OTC: variants seen among roughly 807,000 people sequenced by gnomAD.
OTC encodes the protein ornithine transcarbamylase.
Under a neutral mutation model 30.3 loss-of-function variants are expected in OTC, and 3 were observed. The ratio of observed to expected loss-of-function variants is 0.10; its 90% confidence interval spans 0.05 to 0.26. The LOEUF (loss-of-function observed/expected upper bound fraction) is 0.26. Ranked by LOEUF, OTC falls within the 10% of genes least tolerant of loss-of-function variation. The probability of loss-of-function intolerance (pLI) is 1.00; values close to 1 mark genes in which losing one functional copy is unlikely to be tolerated. For missense variants in OTC, 194 were observed against 260.3 expected (o/e 0.75, Z 1.75); for synonymous variants, 111 against 99.7 (o/e 1.11, Z -0.67).
chrX:38,373,553 G>C (rs1364565277), intron 3 of OTC: 2 of 112,744 alleles, frequency 1.8e-5, no homozygotes, highest in African/African-American at 6.4e-5. Context: ...CATTCTAAGA[G>C]ATGGTTCTTT....
intron 1 of OTC, among the ~76,000 whole-genome samples, chrX:38,365,213 C>T (rs1304262163): frequency 1.8e-5 from 2 of 112,891 alleles, no homozygotes; most frequent in Non-Finnish European, 3.7e-5. Context: ...GTTTAGTACA[C>T]GTGGTGAACC....
chrX:38,340,941 C>T, the OTC span, among the ~76,000 whole-genome samples: 7 of 110,348 alleles, frequency 6.3e-5, no homozygotes, highest in South Asian at 3.9e-4. Flanking sequence ...GGATTACAGG[C>T]GCCTGCTACC....
chrX:38,418,806 G>T (rs2142432), intron 9 of OTC, among the ~76,000 whole-genome samples: 55,953 of 110,610 alleles, frequency 0.51, 11,617 homozygotes, highest in African/African-American at 0.79. Flanking sequence ...CTTTTGCCTT[G>T]TGCAATGATT....
the OTC span, among the ~76,000 whole-genome samples, chrX:38,333,243 C>A: frequency 1.9e-5 from 2 of 106,607 alleles, no homozygotes; most frequent in African/African-American, 6.9e-5. Context: ...AAGATATAAA[C>A]GGAAATGTTT....
At chrX:38,369,219 A>G (rs1431966158) in intron 2 of OTC, among the ~76,000 whole-genome samples, 1 of 112,123 alleles carries the variant, frequency 8.9e-6, no homozygotes, top group Admixed American at 9.5e-5. Context: ...TGAAATACTA[A>G]TATATTTTGG....
At chrX:38,354,921 C>T (rs1351846301) in intron 1 of OTC, among the ~76,000 whole-genome samples, 2 of 111,610 alleles carry the variant, frequency 1.8e-5, no homozygotes, top group African/African-American at 6.5e-5. Context: ...AGAAAAACTC[C>T]CTGTCAACTC....
rs12007741 is a variant in OTC at position 38,369,119 on chromosome X, T to A, written c.217-677T>A. Among the ~76,000 whole-genome samples, 649 of 111,005 alleles carry A rather than the reference T, an allele frequency of 5.8e-3. 3 individuals are homozygous for A. The highest frequency in any genetic ancestry group is 0.02 in the African/African-American group (615 of 30,496). On this transcript the variant is annotated intron_variant, in intron 2 of 9. Transcript: ENST00000039007. ...TGTAACAGAGTAGCATTTTCCCAGCTGAGAAAACACCTCCAAACCAAACAC... is the reference window on the plus strand; with the variant it reads ...TGTAACAGAGTAGCATTTTCCCAGCAGAGAAAACACCTCCAAACCAAACAC...
At chrX:38,373,717 T>G (rs1389813810) in intron 3 of OTC, 3 of 112,587 alleles carry the variant, frequency 2.7e-5, no homozygotes, top group Non-Finnish European at 5.6e-5. Context: ...GGTTAATAAC[T>G]GCCTTAGTTC....
chrX:38,359,696 C>T (rs913006885), intron 1 of OTC, among the ~76,000 whole-genome samples: 4 of 111,376 alleles, frequency 3.6e-5, no homozygotes, highest in African/African-American at 1.3e-4. Context: ...GCTGGGATTA[C>T]AGGCATGAGC....
In OTC at chrX:38,421,295, T is replaced by C. The variant is rs2068594472; in HGVS notation, c.*213T>C. ...TACGTGCTTAACTTTGCTTAAACTC[T>C]CTAATTCCCAATTTCTGAGTTACAT... On this transcript the variant is annotated 3_prime_UTR_variant, in exon 10 of 10. Transcript: ENST00000039007. 1 of 400,055 alleles carries C rather than the reference T, an allele frequency of 2.5e-6. No individual in the cohort carries two copies. Among genetic ancestry groups the C allele is most frequent in the Non-Finnish European group, 4.4e-6 (1 of 227,509 alleles). 33.0% of individuals were successfully genotyped at this position (400,055 alleles called of 1,213,427 possible). A position where few individuals can be genotyped will look rare whatever the true frequency, so the allele number is the denominator to read the frequency against.
Position 38,403,659 on chromosome X carries a change from C to G in OTC, c.582C>G (p.Ile194Met). 8.3e-7 allele frequency: 1 copy of G among 1,207,323 alleles called. No individual in the cohort carries two copies. Among genetic ancestry groups the G allele is most frequent in the South Asian group, 1.8e-5 (1 of 56,849 alleles). ...SSLKGLTLSW[I>M]GDGNNILHSI... ...TGAAAGGTCTTACCCTCAGCTGGAT[C>G]GGGGATGGGAACAATATCCTGCACT... Residue 194 changes from isoleucine (I) to methionine (M), a missense_variant, in exon 6 of 10, where the codon ATC (isoleucine) becomes ATG (methionine). Coordinates refer to ENST00000039007, the MANE Select transcript of OTC (RefSeq NM_000531.6).
the OTC span, among the ~76,000 whole-genome samples, chrX:38,343,028 T>G: frequency 0.043 from 4,800 of 112,012 alleles, 262 homozygotes; most frequent in African/African-American, 0.15. Context: ...ACTACAAAGA[T>G]GGTTTCAAGT....
At chrX:38,420,903 T>A in intron 9 of OTC, 120 bp from the exon 10 acceptor site, 1 of 515,453 alleles carries the variant, frequency 1.9e-6, no homozygotes. Context: ...ACCATTTTCT[T>A]GAGAAAACAC....
chrX:38,401,214 A>G, intron 4 of OTC, 61 bp from the exon 5 acceptor site: 1 of 861,609 alleles, frequency 1.2e-6, no homozygotes, highest in South Asian at 2.1e-5. Flanking sequence ...CTGATCTTAT[A>G]TTAAATAAGG....
chrX:38,349,843 G>A (rs938702920), upstream of OTC, among the ~76,000 whole-genome samples: 4 of 111,667 alleles, frequency 3.6e-5, no homozygotes, highest in Admixed American at 1.9e-4. Flanking sequence ...ACAGATACTC[G>A]TAGTTTTTTG....
chrX:38,399,788 A>C (rs1343731906), intron 4 of OTC, among the ~76,000 whole-genome samples: 1 of 111,566 alleles, frequency 9.0e-6, no homozygotes, highest in African/African-American at 3.3e-5. Flanking sequence ...TTTCATGTGC[A>C]GCAAAATTTG....
At chrX:38,406,113 T>G (rs1178002348) in intron 6 of OTC, among the ~76,000 whole-genome samples, 1 of 112,113 alleles carries the variant, frequency 8.9e-6, no homozygotes, top group Middle Eastern at 4.2e-3. Flanking sequence ...TAAACCTTGG[T>G]GGGAGTAAGA....
the OTC span, among the ~76,000 whole-genome samples, chrX:38,347,420 A>T: frequency 2.2e-3 from 241 of 111,829 alleles, 1 homozygote; most frequent in Non-Finnish European, 3.2e-3. Context: ...TCAGACAAAG[A>T]TACAAGCTTC....
chrX:38,344,565 A>T, the OTC span, among the ~76,000 whole-genome samples: 1 of 111,402 alleles, frequency 9.0e-6, no homozygotes, highest in Non-Finnish European at 1.9e-5. Flanking sequence ...TCTCAACCTC[A>T]AGCCTTAGAC....
Sources: allele counts gnomAD v4.1 joint callset (sites outside exome capture counted in the v4.1 genomes callset), GRCh38; gene constraint gnomAD v4.1.1; transcripts MANE v1.5; gene names NCBI Gene and HGNC (gene_info 2026-07-23, HGNC 2026-07-21).